The following NOX4 variants were observed in gnomAD, a reference collection of about 807,000 sequenced individuals.
NOX4 encodes the protein NADPH oxidase 4, also known as kidney oxidase-1.
Under a neutral mutation model 87.6 loss-of-function variants are expected in NOX4, and 69 were observed. That is an observed-to-expected ratio of 0.79 (90% CI 0.65 to 0.96). NOX4 has a LOEUF of 0.96. Among genes scored for constraint, NOX4 ranks in the 40% least tolerant of loss-of-function variants. The pLI is 0.00. For missense variants in NOX4, 680 were observed against 681.5 expected (o/e 1.00, Z 0.02); for synonymous variants, 275 against 238.2 (o/e 1.15, Z -1.42).
intron 6 of NOX4, among the ~76,000 whole-genome samples, chr11:89,436,914 T>C (rs2135332007): frequency 6.6e-6 from 1 of 152,224 alleles, no homozygotes; most frequent in African/African-American, 2.4e-5. Flanking sequence ...CACTATATTT[T>C]ATGTCACTTG....
At chr11:89,513,675 T>C in the NOX4 span, among the ~76,000 whole-genome samples, 4 of 152,154 alleles carry the variant, frequency 2.6e-5, no homozygotes, top group East Asian at 3.9e-4. Flanking sequence ...GACATAAATA[T>C]GGCATTTGAA....
chr11:89,370,598 G>A (rs1939366284), intron 12 of NOX4, among the ~76,000 whole-genome samples: 1 of 152,036 alleles, frequency 6.6e-6, no homozygotes, highest in Admixed American at 6.6e-5. Context: ...GCTTCTAGAA[G>A]AGCAATAAGG....
At chr11:89,500,919 T>C (rs1466294632), upstream of NOX4, among the ~76,000 whole-genome samples, 1 of 152,062 alleles carries the variant, frequency 6.6e-6, no homozygotes, top group African/African-American at 2.4e-5. Context: ...TGGGGCATTG[T>C]CATAATAAAA....
chr11:89,464,743 T>C (rs1182954000), intron 2 of NOX4, among the ~76,000 whole-genome samples: 1 of 152,210 alleles, frequency 6.6e-6, no homozygotes, highest in Non-Finnish European at 1.5e-5. Flanking sequence ...GTATCTAAGA[T>C]ACATAATCAA....
chr11:89,392,066 G>T (rs1483054412), intron 11 of NOX4, among the ~76,000 whole-genome samples: 3 of 151,536 alleles, frequency 2.0e-5, no homozygotes, highest in East Asian at 1.9e-4. Context: ...GGAAGAAGTG[G>T]TCTCCAATAA....
At chr11:89,479,346 C>T (rs928988729) in intron 2 of NOX4, among the ~76,000 whole-genome samples, 1 of 152,104 alleles carries the variant, frequency 6.6e-6, no homozygotes, top group Admixed American at 6.6e-5. Context: ...CCTTAGCTTT[C>T]TATGATCACA....
the NOX4 span, among the ~76,000 whole-genome samples, chr11:89,582,523 C>G: frequency 3.9e-5 from 6 of 151,972 alleles, no homozygotes; most frequent in Admixed American, 3.3e-4. Context: ...TTCCCTATTC[C>G]CCACAAAACT....
chr11:89,404,831 A>G (rs1164475927), intron 8 of NOX4, among the ~76,000 whole-genome samples: 1 of 152,090 alleles, frequency 6.6e-6, no homozygotes, highest in Non-Finnish European at 1.5e-5. Flanking sequence ...CATATCAGTA[A>G]TTTTTAGAAC....
chr11:89,402,300 G>A, intron 9 of NOX4, 26 bp downstream of exon 9: 1 of 1,541,282 alleles, frequency 6.5e-7, no homozygotes, highest in Non-Finnish European at 9.0e-7. Flanking sequence ...AAACTTTGTG[G>A]AGATCAAACA....
intron 11 of NOX4, among the ~76,000 whole-genome samples, chr11:89,380,004 T>A (rs1191419297): frequency 6.6e-6 from 1 of 152,108 alleles, no homozygotes; most frequent in African/African-American, 2.4e-5. Flanking sequence ...CCACAACTCC[T>A]TTATCAATCA....
chr11:89,558,484 C>A, the NOX4 span, among the ~76,000 whole-genome samples: 1 of 152,094 alleles, frequency 6.6e-6, no homozygotes, highest in African/African-American at 2.4e-5. Context: ...TTCCTAACTA[C>A]AGCTGATGCT....
the NOX4 span, among the ~76,000 whole-genome samples, chr11:89,572,523 GTTTTT>G: frequency 6.6e-6 from 1 of 150,384 alleles, no homozygotes; most frequent in Non-Finnish European, 1.5e-5. Flanking sequence ...AGAATTATAT[GTTTTT>G]TTGTTTGTTT....
rs570000989 is a variant in NOX4 at position 89,460,573 on chromosome 11, G to A, written c.154-8678C>T. Among the ~76,000 whole-genome samples the A allele has an allele frequency of 6.6e-5, 10 of 152,264 alleles. No homozygotes were observed. In the East Asian group the frequency reaches 1.3e-3, roughly 21 times the overall value. ...CATGAAAAAATGTTCATCATCACTG[G>A]CCATCAGAGAAATGCAAATCAAAAC... On this transcript the variant is annotated intron_variant, in intron 2 of 17. Transcript: ENST00000263317.
intron 12 of NOX4, among the ~76,000 whole-genome samples, chr11:89,359,379 AT>A (rs33949541): frequency 0.13 from 16,973 of 128,602 alleles, 841 homozygotes; most frequent in East Asian, 0.25. Context: ...AGCAGTAGGC[AT>A]TTTTTTTTTT....
At chr11:89,515,241 G>A in the NOX4 span, among the ~76,000 whole-genome samples, 1 of 151,934 alleles carries the variant, frequency 6.6e-6, no homozygotes, top group African/African-American at 2.4e-5. Flanking sequence ...AAGTGTATGA[G>A]AGTTCCATTT....
chr11:89,397,572 C>T (rs1941573874), intron 11 of NOX4, among the ~76,000 whole-genome samples: 3 of 151,376 alleles, frequency 2.0e-5, no homozygotes, highest in Admixed American at 2.0e-4. Flanking sequence ...AGACTGCTAG[C>T]AAGAATAATG....
rs1941742303 is a variant in NOX4, at chr11:89,400,151, T to A, written c.1011+64A>T. On this transcript the variant is annotated intron_variant, in intron 10 of 17. Transcript: ENST00000263317. ...TCAACTATTTCAATGATGCTATGTT[T>A]GCTAAATTCCAAAAATTACATAAGG... 4 of 1,583,092 alleles carry A rather than the reference T, an allele frequency of 2.5e-6. No homozygotes were observed. In the South Asian group the frequency reaches 3.4e-5, roughly 13 times the overall value.
At chr11:89,445,339 T>TCA (rs201527966) in intron 4 of NOX4, among the ~76,000 whole-genome samples, 70 of 150,378 alleles carry the variant, frequency 4.7e-4, no homozygotes, top group Middle Eastern at 6.9e-3. Context: ...TCTAAGGTAC[T>TCA]CACACACACA....
chr11:89,372,706 G>A (rs1419936095), intron 12 of NOX4, among the ~76,000 whole-genome samples: 3 of 151,870 alleles, frequency 2.0e-5, no homozygotes, highest in Non-Finnish European at 2.9e-5. Context: ...TCCTCGTTTA[G>A]CACCTAAGTA....
Sources: gnomAD v4.1 joint callset for allele counts (sites outside exome capture counted in the v4.1 genomes callset) on GRCh38, gnomAD v4.1.1 for gene constraint, MANE v1.5 for transcripts, NCBI Gene and HGNC (gene_info 2026-07-23, HGNC 2026-07-21) for gene names.